The following GALNT9 variants were observed in gnomAD, a reference collection of about 807,000 sequenced individuals.
GALNT9 encodes the protein GalNAc transferase 9.
A neutral mutation model predicts 63.1 loss-of-function variants in GALNT9; 47 were observed. That is an observed-to-expected ratio of 0.75 (90% CI 0.59 to 0.95). The LOEUF (loss-of-function observed/expected upper bound fraction) is 0.95, where lower values mean the gene tolerates loss of function less well. GALNT9 is among the 40% of genes least tolerant of loss of function. The pLI, the probability that GALNT9 is intolerant of heterozygous loss-of-function variation, is 0.00. For missense variants in GALNT9, 829 were observed against 874.8 expected (o/e 0.95, Z 0.66); for synonymous variants, 396 against 365.7 (o/e 1.08, Z -0.94).
chr12:132,313,635 T>C (rs1299366345), intron 1 of GALNT9, among the ~76,000 whole-genome samples: 107 of 62,652 alleles, frequency 1.7e-3, no homozygotes, highest in African/African-American at 2.3e-3. Context: ...TCCATCCACC[T>C]ACCCACTTAT....
At chr12:132,328,679 A>G (rs1593129159) in intron 1 of GALNT9, among the ~76,000 whole-genome samples, 1 of 152,286 alleles carries the variant, frequency 6.6e-6, no homozygotes, top group East Asian at 1.9e-4. Flanking sequence ...AGCAGCTCCA[A>G]AGATCCTCTG....
At chr12:132,215,894 G>T (rs905358417) in intron 6 of GALNT9, among the ~76,000 whole-genome samples, 1 of 152,092 alleles carries the variant, frequency 6.6e-6, no homozygotes, top group African/African-American at 2.4e-5. Flanking sequence ...GTAGGGTTGG[G>T]GGGTGCTTCT....
In GALNT9 at chr12:132,286,118, T is replaced by G; in HGVS notation, c.419+132A>C. ...CTTCCCCGGCGGGCGTGGGGGGCGG[T>G]CACTTCCCTGGCGGGCGTGGGGGCC... is the stretch of plus-strand genomic sequence containing the variant. On this transcript the variant is annotated intron_variant, in intron 2 of 10. Coordinates refer to ENST00000328957, the MANE Select transcript of GALNT9 (RefSeq NM_001122636.2). This position sits in a 1 kb window ranked among gnomAD's most constrained non-coding sequence, Gnocchi z 7.4. 4 of 1,053,716 alleles carry G rather than the reference T, an allele frequency of 3.8e-6. No homozygotes were observed. The highest frequency in any genetic ancestry group is 3.8e-6 in the Non-Finnish European group (3 of 780,092). The allele number at this position is 1,053,716 out of a possible 1,614,324, so 65.3% of individuals were successfully genotyped here.
intron 6 of GALNT9, among the ~76,000 whole-genome samples, chr12:132,227,193 C>T (rs1877726899): frequency 6.6e-6 from 1 of 152,176 alleles, no homozygotes; most frequent in African/African-American, 2.4e-5. Flanking sequence ...AGGAGAGACT[C>T]AGATACAGGA....
chr12:132,314,938 G>A (rs971604011), intron 1 of GALNT9, among the ~76,000 whole-genome samples: 16 of 152,194 alleles, frequency 1.1e-4, no homozygotes, highest in Non-Finnish European at 2.4e-4. Context: ...CCGAAGCAGC[G>A]CCATCACTTA....
At chr12:132,207,780 G>A (rs74621786) in intron 6 of GALNT9, among the ~76,000 whole-genome samples, 4,924 of 152,252 alleles carry the variant, frequency 0.032, 253 homozygotes, top group African/African-American at 0.11. Flanking sequence ...AAGGGCCCAC[G>A]GCTTGCGTGA....
chr12:132,316,445 A>G lies in GALNT9; in HGVS notation c.238+12521T>C, dbSNP rs2135588000. 6.6e-6 allele frequency among the ~76,000 whole-genome samples: 1 copy of G among 152,250 alleles called. No individual in the cohort carries two copies. Among genetic ancestry groups the G allele is most frequent in the African/African-American group, 2.4e-5 (1 of 41,534 alleles). On this transcript the variant is annotated intron_variant, in intron 1 of 10. Coordinates refer to ENST00000328957, the MANE Select transcript of GALNT9 (RefSeq NM_001122636.2). This position sits in a 1 kb window ranked among gnomAD's most constrained non-coding sequence, Gnocchi z 4.3. ...TCACTAAAAAAGGAAAAAGAAAGAA[A>G]AGGAATTTGCAGTTCTCAACCTCAG...
rs1422245011 is a variant in GALNT9 at position 132,201,158 on chromosome 12, A to G, written c.1367T>C (p.Met456Thr). 2.5e-6 allele frequency: 4 copies of G among 1,613,444 alleles called. No homozygotes were observed. The highest frequency in any genetic ancestry group is 3.4e-6 in the Non-Finnish European group (4 of 1,179,818). ...KWYLENVYPEMRVYNNTLTYG... is the reference protein window; with the variant it reads ...KWYLENVYPETRVYNNTLTYG... ...CGTGAGGGTGTTGTTGTAGACCCTC[A>G]TCTCCGGGTACACGTTCTCCAGGTA... Residue 456 changes from methionine (M) to threonine (T), a missense_variant, in exon 8 of 11, where the codon ATG (methionine) becomes ACG (threonine). Coordinates refer to ENST00000328957, the MANE Select transcript of GALNT9 (RefSeq NM_001122636.2).
At chr12:132,224,839 CA>C (rs1835155687) in intron 6 of GALNT9, among the ~76,000 whole-genome samples, 1 of 149,020 alleles carries the variant, frequency 6.7e-6, no homozygotes, top group African/African-American at 2.5e-5. Flanking sequence ...ACACACCACA[CA>C]ACCCACACTC....
chr12:132,253,465 G>C (rs927137488), intron 5 of GALNT9, among the ~76,000 whole-genome samples: 29 of 151,086 alleles, frequency 1.9e-4, no homozygotes, highest in African/African-American at 7.1e-4. Context: ...TTGCCTTCTA[G>C]GTCACTTCTC....
At chr12:132,271,010 A>G (rs1041475029) in intron 2 of GALNT9, among the ~76,000 whole-genome samples, 2 of 151,980 alleles carry the variant, frequency 1.3e-5, no homozygotes, top group Non-Finnish European at 2.9e-5. Context: ...ACAGCAGCAC[A>G]GTCCTTAAAA....
chr12:132,287,716 C>T (rs781879976), intron 1 of GALNT9, among the ~76,000 whole-genome samples: 1 of 152,124 alleles, frequency 6.6e-6, no homozygotes, highest in East Asian at 1.9e-4. Flanking sequence ...AGGGAGGCTC[C>T]GCAGCTTGGT....
At chr12:132,267,781 G>GCA (rs1555240320) in intron 2 of GALNT9, among the ~76,000 whole-genome samples, 1 of 93,278 alleles carries the variant, frequency 1.1e-5, no homozygotes, top group African/African-American at 7.0e-5. Context: ...TCACACACAC[G>GCA]CACACACACG....
intron 2 of GALNT9, chr12:132,283,839 A>C (rs902942546): frequency 6.6e-6 from 1 of 151,376 alleles, no homozygotes; most frequent in African/African-American, 2.4e-5. Flanking sequence ...ACTTTAACCC[A>C]TGTCCTCTGC....
At chr12:132,322,196 G>A (rs566581580) in intron 1 of GALNT9, among the ~76,000 whole-genome samples, 4 of 152,298 alleles carry the variant, frequency 2.6e-5, no homozygotes, top group East Asian at 3.9e-4. Context: ...AACCATCCCC[G>A]CCACCCAGAT....
intron 2 of GALNT9, among the ~76,000 whole-genome samples, chr12:132,272,113 T>C (rs1555240790): frequency 1.3e-5 from 2 of 152,056 alleles, no homozygotes; most frequent in Non-Finnish European, 1.5e-5. Context: ...CCCAGAGCGG[T>C]CGGGGGACGC....
chr12:132,199,506 T>C (rs1293303727), intron 8 of GALNT9, among the ~76,000 whole-genome samples: 3 of 152,058 alleles, frequency 2.0e-5, no homozygotes, highest in Admixed American at 6.5e-5. Context: ...CATCACTCCA[T>C]AGGGGAACAC....
At chr12:132,199,063 C>T in intron 9 of GALNT9, 111 bp downstream of exon 9, 1 of 689,492 alleles carries the variant, frequency 1.5e-6, no homozygotes, top group Non-Finnish European at 2.5e-6. Flanking sequence ...GCCCTGGTGG[C>T]CTCAGAACAC....
At position 132,257,868 on chromosome 12, in the gene GALNT9, C is replaced by T. The variant is rs369113640; in HGVS notation, c.780G>A (p.Ser260=). ...FNTGWAEPAL[S]RIREDRRRIV... ...TGCGACGCCGGTCCTCTCGGATCCG[C>T]GACAGTGCGGGCTCGGCCCTGCGGA... Residue 260 remains serine, a synonymous_variant, in exon 5 of 11, where the codon TCG becomes TCA. Coordinates refer to ENST00000328957, the MANE Select transcript of GALNT9 (RefSeq NM_001122636.2). 59 of 1,545,540 alleles carry T rather than the reference C, an allele frequency of 3.8e-5. No homozygotes were observed. Among genetic ancestry groups the T allele is most frequent in the East Asian group, 7.3e-5 (3 of 40,904 alleles).
Sources: allele counts gnomAD v4.1 joint callset (sites outside exome capture counted in the v4.1 genomes callset), GRCh38; gene constraint gnomAD v4.1.1; non-coding constraint Gnocchi (gnomAD v3.1); transcripts MANE v1.5; gene names NCBI Gene and HGNC (gene_info 2026-07-23, HGNC 2026-07-21).